The following MME variants were observed in gnomAD, a reference collection of about 807,000 sequenced individuals.
MME encodes the protein neprilysin.
In MME, 98 loss-of-function variants were observed where a neutral mutation model predicts 113.2. The observed-to-expected ratio is 0.87, with a 90% CI of 0.74 to 1.02. The LOEUF (loss-of-function observed/expected upper bound fraction) is 1.02, where lower values mean the gene tolerates loss of function less well. MME is among the 50% of genes least tolerant of loss of function. The probability of loss-of-function intolerance (pLI) is 0.00; values close to 1 mark genes in which losing one functional copy is unlikely to be tolerated. For missense variants in MME, 836 were observed against 896.0 expected, an observed-to-expected ratio of 0.93 and a Z score of 0.86; for synonymous variants, 292 against 300.6, an observed-to-expected ratio of 0.97 and a Z score of 0.30.
intron 1 of MME, among the ~76,000 whole-genome samples, chr3:155,068,708 T>A (rs1185825413): frequency 6.6e-6 from 1 of 152,212 alleles, no homozygotes; most frequent in African/African-American, 2.4e-5. Context: ...TATTGAAAGT[T>A]TTTGAACATC....
intron 8 of MME, among the ~76,000 whole-genome samples, chr3:155,133,062 A>AAAAAAAAATATATATATATATATATATAT (rs1553762419): frequency 1.3e-5 from 1 of 75,076 alleles, no homozygotes; most frequent in African/African-American, 6.6e-5. Context: ...AAAAAAAAAA[A>AAAAAAAAATATATATATATATATATATAT]ATATATATAT....
chr3:155,092,953 G>A (rs2108195694), intron 3 of MME, among the ~76,000 whole-genome samples: 2 of 152,026 alleles, frequency 1.3e-5, no homozygotes, highest in South Asian at 4.1e-4. Flanking sequence ...TAAAGATCAA[G>A]TGTAAATTGG....
At chr3:155,078,079 C>T (rs1714824332), upstream of MME, among the ~76,000 whole-genome samples, 3 of 151,338 alleles carry the variant, frequency 2.0e-5, no homozygotes. Flanking sequence ...CACACACACA[C>T]GCAAGCAAAA....
At chr3:155,138,073 A>C (rs907797612) in intron 8 of MME, 29 bp from the exon 9 acceptor site, 6 of 1,612,812 alleles carry the variant, frequency 3.7e-6, no homozygotes, top group Non-Finnish European at 5.1e-6. Flanking sequence ...GAGCTACTCC[A>C]ACAGTTTAGT....
At chr3:155,053,873 G>A (rs1398537911) in intron 1 of MME, among the ~76,000 whole-genome samples, 1 of 152,184 alleles carries the variant, frequency 6.6e-6, no homozygotes, top group Non-Finnish European at 1.5e-5. Flanking sequence ...AAGCCTCAGA[G>A]GATTATTTTC....
chr3:155,142,227 T>C lies in MME; in HGVS notation c.1095-10T>C, dbSNP rs1721162754. 6.2e-7 allele frequency: 1 copy of C among 1,613,392 alleles called. No individual in the cohort carries two copies. The highest frequency in any genetic ancestry group is 1.3e-5 in the African/African-American group (1 of 74,884). ...TTTTCTGTTGCTGGGCGGTGGTTTTTTTTATACAGAGATCTTCAAAATTTA... is the reference window on the plus strand; with the variant it reads ...TTTTCTGTTGCTGGGCGGTGGTTTTCTTTATACAGAGATCTTCAAAATTTA... On this transcript the variant is annotated splice_polypyrimidine_tract_variant and intron_variant, in intron 11 of 22. Transcript: ENST00000360490.
chr3:155,130,175 G>A (rs1720029162), intron 8 of MME, among the ~76,000 whole-genome samples: 1 of 152,190 alleles, frequency 6.6e-6, no homozygotes, highest in Non-Finnish European at 1.5e-5. Context: ...TGCCTGAGAA[G>A]GAGCAATAAG....
chr3:155,064,356 G>A (rs1228158006), intron 1 of MME, among the ~76,000 whole-genome samples: 3 of 152,058 alleles, frequency 2.0e-5, no homozygotes, highest in Non-Finnish European at 4.4e-5. Flanking sequence ...CTAACCCTCT[G>A]ATTTGCAAAA....
chr3:155,100,233 T>C (rs1576582952), intron 3 of MME, among the ~76,000 whole-genome samples: 1 of 152,152 alleles, frequency 6.6e-6, no homozygotes, highest in Non-Finnish European at 1.5e-5. Flanking sequence ...CATCAAAAAG[T>C]GGGCAAAGGA....
intron 3 of MME, chr3:155,090,597 A>G (rs1716203146): frequency 6.6e-6 from 1 of 152,184 alleles, no homozygotes; most frequent in Admixed American, 6.5e-5. Context: ...GCAACAGTTG[A>G]TATGATAATA....
At chr3:155,086,450 G>T (rs1337640263) in intron 3 of MME, among the ~76,000 whole-genome samples, 3 of 152,192 alleles carry the variant, frequency 2.0e-5, no homozygotes, top group African/African-American at 4.8e-5. Context: ...AGCCTTGGAA[G>T]TATTTGAGTT....
At chr3:155,070,192 A>T (rs552535097) in intron 1 of MME, among the ~76,000 whole-genome samples, 1 of 152,266 alleles carries the variant, frequency 6.6e-6, no homozygotes, top group South Asian at 2.1e-4. Context: ...TATTTCTTTA[A>T]TTTTTCTGGC....
chr3:155,166,751 C>A, intron 17 of MME, 151 bp from the exon 18 acceptor site: 1 of 965,470 alleles, frequency 1.0e-6, no homozygotes, highest in Non-Finnish European at 1.6e-6. Context: ...AAGCACAAAG[C>A]CAACCCCAAG....
At chr3:155,126,543 G>GT (rs1331740540) in intron 8 of MME, among the ~76,000 whole-genome samples, 8 of 150,528 alleles carry the variant, frequency 5.3e-5, no homozygotes, top group East Asian at 2.0e-4. Flanking sequence ...AACCTGTAGT[G>GT]TTTTTTTTTA....
At chr3:155,169,426 GGT>G (rs1359194748) in intron 20 of MME, among the ~76,000 whole-genome samples, 1 of 152,162 alleles carries the variant, frequency 6.6e-6, no homozygotes, top group Non-Finnish European at 1.5e-5. Flanking sequence ...AGGCTTAATA[GGT>G]TTGGCAGTAT....
chr3:155,026,246 A>G (rs1712781694), intron 1 of MME, among the ~76,000 whole-genome samples: 1 of 152,098 alleles, frequency 6.6e-6, no homozygotes, highest in African/African-American at 2.4e-5. Context: ...GTGTCCATTT[A>G]TCTATTCATT....
intron 1 of MME, among the ~76,000 whole-genome samples, chr3:155,055,561 C>T (rs1174708914): frequency 4.0e-5 from 6 of 151,522 alleles, no homozygotes; most frequent in Non-Finnish European, 5.9e-5. Flanking sequence ...CATGTCGTTG[C>T]ACTCCAGCCT....
chr3:155,063,122 AT>A (rs1425994835), intron 1 of MME, among the ~76,000 whole-genome samples: 1 of 138,824 alleles, frequency 7.2e-6, no homozygotes, highest in African/African-American at 2.7e-5. Context: ...TATGTTATAT[AT>A]TTATGTTATA....
intron 12 of MME, 62 bp downstream of exon 12, chr3:155,142,392 G>C (rs780931611): frequency 7.4e-7 from 1 of 1,349,538 alleles, no homozygotes; most frequent in African/African-American, 1.4e-5. Flanking sequence ...GGTTATGAAG[G>C]CTTACCATGT....
Sources: gnomAD v4.1 joint callset for allele counts (sites outside exome capture counted in the v4.1 genomes callset) on GRCh38, gnomAD v4.1.1 for gene constraint, MANE v1.5 for transcripts, NCBI Gene and HGNC (gene_info 2026-07-23, HGNC 2026-07-21) for gene names.